Variants in FSIP2 observed in about 807,000 individuals in gnomAD.
FSIP2 encodes the protein fibrous sheath interacting protein 2, also known as fibrous sheath-interacting protein 2.
FSIP2 carries 367 observed loss-of-function variants against 510.5 expected under a neutral mutation model. That is an observed-to-expected ratio of 0.72 (90% CI 0.66 to 0.78). The LOEUF (loss-of-function observed/expected upper bound fraction) is 0.78. Ranked by LOEUF, FSIP2 falls within the 30% of genes least tolerant of loss-of-function variation. FSIP2 has a pLI of 0.00. For synonymous variants in FSIP2, 2,601 were observed against 2,732.2 expected, an observed-to-expected ratio of 0.95 and a Z score of 1.50; for missense variants, 7,594 against 7,901.7, an observed-to-expected ratio of 0.96 and a Z score of 1.48.
chr2:185,782,311 G>C (rs1692869886), intron 13 of FSIP2, among the ~76,000 whole-genome samples: 1 of 152,064 alleles, frequency 6.6e-6, no homozygotes, highest in African/African-American at 2.4e-5. Context: ...ACGTATCAAG[G>C]AAGGCTTTCA....
chr2:185,747,536 T>G, intron 7 of FSIP2, 113 bp downstream of exon 7: 1 of 571,822 alleles, frequency 1.7e-6, no homozygotes, highest in Non-Finnish European at 3.1e-6. Context: ...CTCCAAATGA[T>G]ATGCATGATA....
chr2:185,780,338 C>T (rs1287474532), intron 13 of FSIP2, among the ~76,000 whole-genome samples: 1 of 151,820 alleles, frequency 6.6e-6, no homozygotes, highest in Non-Finnish European at 1.5e-5. Flanking sequence ...ACTTTATTTT[C>T]CATTTCTCTC....
At position 185,774,514 on chromosome 2, in the gene FSIP2, A is replaced by T. The variant is rs1049951458; in HGVS notation, c.1412-8191A>T. On this transcript the variant is annotated intron_variant, in intron 13 of 22. Transcript: ENST00000424728. ...ATTCATATAGTCTTCTAATTTTCTG[A>T]TTGATTATGGTAAGAAGGCTTGTCA... Among the ~76,000 whole-genome samples the T allele has an allele frequency of 4.4e-5, 6 of 137,920 alleles. No homozygotes were observed. The East Asian group carries it at 1.3e-3, about 30-fold the overall frequency. The allele number at this position is 137,920 out of a possible 152,430, so 90.5% of individuals were successfully genotyped here.
intron 17 of FSIP2, among the ~76,000 whole-genome samples, chr2:185,812,472 A>G (rs1693751364): frequency 6.6e-6 from 1 of 152,078 alleles, no homozygotes; most frequent in South Asian, 2.1e-4. Flanking sequence ...AACTCAGTTA[A>G]GGCATGTGAT....
Position 185,800,229 on chromosome 2 carries a change from T to C in FSIP2, c.10923T>C (p.Ser3641=). The C allele has an allele frequency of 1.3e-6, 2 of 1,532,708 alleles. No homozygotes were observed. Among genetic ancestry groups the C allele is most frequent in the East Asian group, 2.5e-5 (1 of 40,802 alleles). 94.9% of individuals were successfully genotyped at this position (1,532,708 alleles called of 1,614,324 possible). ...NKSFSMHRNN[S]VPLCNKINRQ... is the part of the protein sequence containing the mutation. The stretch of plus-strand genomic sequence containing the variant: ...CATTTTCTATGCATAGAAATAATAG[T>C]GTACCCCTTTGCAACAAAATCAATA... The change falls in exon 17 of 23, where the codon AGT becomes AGC. Residue 3641 remains serine, a synonymous_variant. Coordinates refer to ENST00000424728, the MANE Select transcript of FSIP2 (RefSeq NM_173651.4).
Position 185,795,695 on chromosome 2 carries a change from T to C in FSIP2, c.8559T>C (p.Asn2853=), listed in dbSNP as rs1693252696. The C allele has an allele frequency of 6.5e-7, 1 of 1,531,526 alleles. No individual in the cohort carries two copies. The highest frequency in any genetic ancestry group is 8.7e-7 in the Non-Finnish European group (1 of 1,144,502). 94.9% of individuals were successfully genotyped at this position (1,531,526 alleles called of 1,614,324 possible). A position where few individuals can be genotyped will look rare whatever the true frequency, so the allele number is the denominator to read the frequency against. ...AAACAGAATCAAATGACAAGGAAAA[T>C]GAAAAATGTAAGCTATTGATGATAG... The part of the protein sequence containing the change: ...KWQTESNDKE[N]EKCKLLMIAE... Residue 2853 remains asparagine (N), a synonymous_variant, in exon 16 of 23, where the codon AAT becomes AAC. Coordinates refer to ENST00000424728, the MANE Select transcript of FSIP2 (RefSeq NM_173651.4).
At position 185,797,432 on chromosome 2, in the gene FSIP2, T is replaced by C. The variant is rs1000018227; in HGVS notation, c.10296T>C (p.Phe3432=). Residue 3432 remains phenylalanine (F), a synonymous_variant, in exon 16 of 23, where the codon TTT becomes TTC. Coordinates refer to ENST00000424728, the MANE Select transcript of FSIP2 (RefSeq NM_173651.4). ...TGAAGGAAGTTGAAGCCTTTACTTT[T>C]GCTGATCATGAAATGGGTTCCAATG... is the stretch of plus-strand genomic sequence containing the variant. ...ETVKEVEAFT[F]ADHEMGSNEV... The C allele has an allele frequency of 1.7e-5, 26 of 1,531,704 alleles. No homozygotes were observed. In the African/African-American group the frequency reaches 3.3e-4, roughly 19 times the overall value. 94.9% of individuals were successfully genotyped at this position (1,531,704 alleles called of 1,614,324 possible). A position where few individuals can be genotyped will look rare whatever the true frequency, so the allele number is the denominator to read the frequency against.
In FSIP2 at chr2:185,796,856, A is replaced by T. The variant is rs1693295856; in HGVS notation, c.9720A>T (p.Lys3240Asn). The change falls in exon 16 of 23, where the codon AAA becomes AAT. Residue 3240 changes from lysine to asparagine, a missense_variant. Lys to Asn is a moderately conservative substitution (Grantham distance 94). Transcript: ENST00000424728. ...TGCCATCGTGTTCTACTAGAAACAA[A>T]GTACAAGACCACAGACCAAGGGAAT... Reference protein sequence around the residue: ...ETMPSCSTRNKVQDHRPRESN... With the variant: ...ETMPSCSTRNNVQDHRPRESN... 1 of 1,535,096 alleles carries T rather than the reference A, an allele frequency of 6.5e-7. No individual in the cohort carries two copies. Among genetic ancestry groups the T allele is most frequent in the Non-Finnish European group, 8.7e-7 (1 of 1,146,332 alleles).
chr2:185,802,408 G>A lies in FSIP2; in HGVS notation c.13102G>A (p.Asp4368Asn). 1 of 1,533,654 alleles carries A rather than the reference G, an allele frequency of 6.5e-7. No individual in the cohort carries two copies. Among genetic ancestry groups the A allele is most frequent in the Non-Finnish European group, 8.7e-7 (1 of 1,145,384 alleles). Residue 4368 changes from aspartate to asparagine, a missense_variant, in exon 17 of 23, where the codon GAT becomes AAT. By Grantham distance (23) the Asp-to-Asn change is conservative. Transcript: ENST00000424728. ...ACAGGCTTTCTTTTCTTTCAATACA[G>A]ATATTGTGGATGAACTTGCCACCTC... Reference protein sequence around the residue: ...KEQAFFSFNTDIVDELATSVY... With the variant: ...KEQAFFSFNTNIVDELATSVY...
intron 13 of FSIP2, among the ~76,000 whole-genome samples, chr2:185,772,544 A>C (rs1352726124): frequency 1.3e-5 from 2 of 152,126 alleles, no homozygotes; most frequent in Non-Finnish European, 2.9e-5. Context: ...AACTCTTTTA[A>C]ACAGCCAGTT....
chr2:185,772,488 G>A (rs879772773), intron 13 of FSIP2, among the ~76,000 whole-genome samples: 3 of 152,278 alleles, frequency 2.0e-5, no homozygotes, highest in Admixed American at 6.5e-5. Flanking sequence ...TGAAGTAGGG[G>A]AGCAGGCATA....
chr2:185,784,608 AATG>A (rs1423768871), intron 14 of FSIP2, among the ~76,000 whole-genome samples: 1 of 152,114 alleles, frequency 6.6e-6, no homozygotes, highest in Non-Finnish European at 1.5e-5. Context: ...TTCAAACTAT[AATG>A]CTAGTTTTTA....
intron 17 of FSIP2, among the ~76,000 whole-genome samples, chr2:185,811,920 G>A (rs1369669449): frequency 1.3e-5 from 2 of 152,256 alleles, no homozygotes; most frequent in East Asian, 3.9e-4. Context: ...TTCAGAGGGT[G>A]TATGGAAAAA....
Position 185,739,339 on chromosome 2 carries a change from C to CT in FSIP2, c.100-6dup, listed in dbSNP as rs763046078. The CT allele has an allele frequency of 2.0e-6, 3 of 1,521,742 alleles. No individual in the cohort carries two copies. In the South Asian group the frequency reaches 3.6e-5, roughly 18 times the overall value. The allele number at this position is 1,521,742 out of a possible 1,614,324, so 94.3% of individuals were successfully genotyped here. A position where few individuals can be genotyped will look rare whatever the true frequency, so the allele number is the denominator to read the frequency against. On this transcript the variant is annotated splice_region_variant and splice_polypyrimidine_tract_variant and intron_variant, in intron 1 of 22. Coordinates refer to ENST00000424728, the MANE Select transcript of FSIP2 (RefSeq NM_173651.4). ...GAAAGACAAAACTCTCCAATTGTGT[C>CT]TGACAGGGCGTGCACAAAACCCACT... is the stretch of plus-strand genomic sequence containing the variant.
chr2:185,763,350 C>A, intron 12 of FSIP2, 61 bp downstream of exon 12: 2 of 736,620 alleles, frequency 2.7e-6, no homozygotes, highest in South Asian at 1.5e-5. Context: ...ATCTTATGGT[C>A]ATAATTGGTA....
Position 185,816,809 on chromosome 2 carries a change from T to C in FSIP2, c.20426+1338T>C, listed in dbSNP as rs1004856306. ...AGTTCAAAGTTACAGTGAGCTATGA[T>C]TTTGCCACTGCACTTTAGCCTAGGT... is the stretch of plus-strand genomic sequence containing the variant. On this transcript the variant is annotated intron_variant, in intron 19 of 22. Transcript: ENST00000424728. 4.0e-5 allele frequency among the ~76,000 whole-genome samples: 6 copies of C among 151,398 alleles called. No individual in the cohort carries two copies. The East Asian group carries it at 1.2e-3, about 30-fold the overall frequency.
chr2:185,826,310 A>G (rs1694011483), intron 20 of FSIP2, among the ~76,000 whole-genome samples: 2 of 151,760 alleles, frequency 1.3e-5, no homozygotes, highest in Non-Finnish European at 2.9e-5. Flanking sequence ...GCATCATCCT[A>G]ACATCCTACT....
intron 18 of FSIP2, 149 bp downstream of exon 18, chr2:185,814,191 A>G: frequency 1.3e-6 from 1 of 782,846 alleles, no homozygotes; most frequent in Non-Finnish European, 2.0e-6. Context: ...GGAAATTATT[A>G]CCAGGTACAG....
At chr2:185,774,171 C>G (rs1253452626) in intron 13 of FSIP2, among the ~76,000 whole-genome samples, 1 of 152,012 alleles carries the variant, frequency 6.6e-6, no homozygotes, top group Non-Finnish European at 1.5e-5. Context: ...TGTCATTTGC[C>G]TGGGTATCAC....
Sources: allele counts gnomAD v4.1 joint callset (sites outside exome capture counted in the v4.1 genomes callset), GRCh38; gene constraint gnomAD v4.1.1; transcripts MANE v1.5; gene names NCBI Gene and HGNC (gene_info 2026-07-23, HGNC 2026-07-21).